The following MXD4 variants were observed in gnomAD, a reference collection of about 807,000 sequenced individuals.
MXD4 encodes the protein Mad4 homolog.
In MXD4, 16 loss-of-function variants were observed where a neutral mutation model predicts 24.5. The observed-to-expected ratio is 0.65, with a 90% CI of 0.44 to 0.99. The LOEUF is 0.99. MXD4 is among the 50% of genes least tolerant of loss of function. The pLI, the probability that MXD4 is intolerant of heterozygous loss-of-function variation, is 0.00. For synonymous variants in MXD4, 164 were observed against 134.2 expected (o/e 1.22, Z -1.54); for missense variants, 301 against 301.5 (o/e 1.00, Z 0.01).
chr4:2,259,138 C>A (rs192574993), intron 2 of MXD4: 136 of 342,182 alleles, frequency 4.0e-4, no homozygotes, highest in Middle Eastern at 1.1e-3. Flanking sequence ...CCCTCAGGAC[C>A]TGGCTCCTTC....
rs1471649563 is a variant in MXD4, at chr4:2,250,707, G to A, written c.473-6C>T. Reference sequence around the variant, plus strand: ...CATGCCCTCTATGTCCACTTCTAGGGAGAATAGAGTGGGGATGGGGTCAGG... The same window carrying A: ...CATGCCCTCTATGTCCACTTCTAGGAAGAATAGAGTGGGGATGGGGTCAGG... On this transcript the variant is annotated splice_region_variant and splice_polypyrimidine_tract_variant and intron_variant, in intron 5 of 5. Coordinates refer to ENST00000337190, the MANE Select transcript of MXD4 (RefSeq NM_006454.3). 2 of 1,612,562 alleles carry A rather than the reference G, an allele frequency of 1.2e-6. No homozygotes were observed. Among genetic ancestry groups the A allele is most frequent in the Admixed American group, 3.3e-5 (2 of 59,858 alleles).
At chr4:2,258,316 C>T (rs1011898524) in intron 2 of MXD4, among the ~76,000 whole-genome samples, 1 of 152,154 alleles carries the variant, frequency 6.6e-6, no homozygotes, top group African/African-American at 2.4e-5. Flanking sequence ...GCAGCAGGGG[C>T]CAGCCTTGCT....
intron 5 of MXD4, 92 bp downstream of exon 5, chr4:2,250,992 C>T (rs1735308825): frequency 7.1e-7 from 1 of 1,415,420 alleles, no homozygotes; most frequent in Non-Finnish European, 9.3e-7. Context: ...TTCTCCCCAG[C>T]CCCAGCACCA....
rs754756447 is a variant in MXD4, at chr4:2,250,632, T to C, written c.542A>G (p.Asp181Gly). 5.0e-6 allele frequency: 8 copies of C among 1,613,492 alleles called. No individual in the cohort carries two copies. Among genetic ancestry groups the C allele is most frequent in the Non-Finnish European group, 5.9e-6 (7 of 1,179,948 alleles). The change falls in exon 6 of 6, where the codon GAC becomes GGC. Residue 181 changes from aspartate (D) to glycine (G), a missense_variant. Coordinates refer to ENST00000337190, the MANE Select transcript of MXD4 (RefSeq NM_006454.3). ...LDSVGSSSDADDHYSLQSGTG... is the reference protein window; with the variant it reads ...LDSVGSSSDAGDHYSLQSGTG... ...GCCACTCTGCAGGCTGTAGTGGTCG[T>C]CCGCGTCACTGCTGCTGCCAACACT...
chr4:2,258,837 G>A (rs76474103), intron 2 of MXD4: 20,160 of 449,836 alleles, frequency 0.045, 614 homozygotes, highest in Non-Finnish European at 0.063. Flanking sequence ...CTGCCCTGGA[G>A]GCCCGGGCTC....
At chr4:2,251,009 T>TC in intron 5 of MXD4, 75 bp downstream of exon 5, 2 of 1,441,104 alleles carry the variant, frequency 1.4e-6, no homozygotes, top group East Asian at 5.0e-5. Context: ...ACCAGGCACC[T>TC]CCTCTCCACC....
At chr4:2,254,817 A>G (rs1409737418) in intron 3 of MXD4, 2 of 161,242 alleles carry the variant, frequency 1.2e-5, no homozygotes, top group African/African-American at 2.4e-5. Flanking sequence ...ACAGGCTGAC[A>G]TGAGAAGGGA....
At chr4:2,253,150 A>G (rs1055214995) in intron 3 of MXD4, 1 of 153,166 alleles carries the variant, frequency 6.5e-6, no homozygotes, top group Non-Finnish European at 1.5e-5. Flanking sequence ...GCTTGTTCAC[A>G]CTCAAGGGTA....
At chr4:2,256,641 C>G (rs1735436290) in intron 3 of MXD4, among the ~76,000 whole-genome samples, 1 of 152,174 alleles carries the variant, frequency 6.6e-6, no homozygotes, top group South Asian at 2.1e-4. Flanking sequence ...ACAGAGACAC[C>G]CTGGCTGCCC....
intron 3 of MXD4, chr4:2,253,982 C>G (rs894272774): frequency 2.6e-5 from 4 of 152,248 alleles, no homozygotes; most frequent in African/African-American, 9.7e-5. Flanking sequence ...AGGCAAGAGG[C>G]CAAAGCGTGC....
At chr4:2,251,711 C>T (rs1021943412) in intron 4 of MXD4, among the ~76,000 whole-genome samples, 20 of 152,266 alleles carry the variant, frequency 1.3e-4, no homozygotes, top group African/African-American at 4.8e-4. Context: ...TCTAAACCTT[C>T]CTGTGGGCCC....
Position 2,248,363 on chromosome 4 carries a change from G to A in MXD4, c.*2181C>T, listed in dbSNP as rs1735241326. ...TGGATTCTGCTGGTCAGAGATGAGA[G>A]CAGAAGCCCCTAGCTGCCTCAGGCA... On this transcript the variant is annotated 3_prime_UTR_variant, in exon 6 of 6. Coordinates refer to ENST00000337190, the MANE Select transcript of MXD4 (RefSeq NM_006454.3). The A allele has an allele frequency of 6.6e-6, 1 of 152,448 alleles. No homozygotes were observed. The highest frequency in any genetic ancestry group is 1.5e-5 in the Non-Finnish European group (1 of 68,130). 9.4% of individuals were successfully genotyped at this position (152,448 alleles called of 1,614,324 possible). A position where few individuals can be genotyped will look rare whatever the true frequency, so the allele number is the denominator to read the frequency against.
At chr4:2,252,811 G>GCCATCCC (rs1185551550) in intron 3 of MXD4, 7 of 354,008 alleles carry the variant, frequency 2.0e-5, no homozygotes, top group South Asian at 1.3e-4. Context: ...TCGCCCCCCT[G>GCCATCCC]CCATCCCCCA....
chr4:2,249,441 T>C lies in MXD4; in HGVS notation c.*1103A>G, dbSNP rs1735265404. Reference sequence around the variant, plus strand: ...GAGAGTCTTTAGGCTTTCTTCTTTTTAAAAATGGTTTTTTTTTTTTTTCTG... The same window carrying C: ...GAGAGTCTTTAGGCTTTCTTCTTTTCAAAAATGGTTTTTTTTTTTTTTCTG... On this transcript the variant is annotated 3_prime_UTR_variant, in exon 6 of 6. Transcript: ENST00000337190. 1.4e-5 allele frequency: 2 copies of C among 145,838 alleles called. No homozygotes were observed. Among genetic ancestry groups the C allele is most frequent in the African/African-American group, 5.3e-5 (2 of 38,092 alleles). The allele number at this position is 145,838 out of a possible 1,614,324, so 9.0% of individuals were successfully genotyped here.
Position 2,250,582 on chromosome 4 carries a change from G to T in MXD4, c.592C>A (p.Pro198Thr). Residue 198 changes from proline (P) to threonine (T), a missense_variant, in exon 6 of 6, where the codon CCC (proline) becomes ACC (threonine). Physicochemically the swap from Pro to Thr is conservative, Grantham distance 38. Transcript: ENST00000337190. ...SGTGGDSGFGPHCRRLGRPAL... is the reference protein window; with the variant it reads ...SGTGGDSGFGTHCRRLGRPAL... ...GGGCGGCCCAGCCGCCGGCAGTGGG[G>T]CCCGAAGCCACTGTCGCCGCCGGTG... is the stretch of plus-strand genomic sequence containing the variant. The T allele has an allele frequency of 2.5e-6, 4 of 1,608,106 alleles. No individual in the cohort carries two copies. The highest frequency in any genetic ancestry group is 3.4e-6 in the Non-Finnish European group (4 of 1,178,062).
At chr4:2,260,793 A>C (rs549652600) in intron 2 of MXD4, among the ~76,000 whole-genome samples, 2 of 152,346 alleles carry the variant, frequency 1.3e-5, no homozygotes, top group South Asian at 4.1e-4. Flanking sequence ...TGGGGCTCTG[A>C]AGCCCCCTAC....
intron 2 of MXD4, among the ~76,000 whole-genome samples, chr4:2,261,112 C>T (rs1174155248): frequency 3.3e-5 from 5 of 152,232 alleles, no homozygotes; most frequent in Non-Finnish European, 7.3e-5. Flanking sequence ...AAAAGAGGAC[C>T]CCCATACTGG....
rs571890414 is a variant in MXD4 at position 2,261,498 on chromosome 4, G to C, written c.164+227C>G. Among the ~76,000 whole-genome samples, 31 of 150,762 alleles carry C rather than the reference G, an allele frequency of 2.1e-4. No individual in the cohort carries two copies. The East Asian group carries it at 5.9e-3, about 29-fold the overall frequency. The stretch of plus-strand genomic sequence containing the variant: ...GCTGTACGCGTGGCACTGTTTACGC[G>C]AGCGGCCCGGGAGGCGCGGCCGCGG... On this transcript the variant is annotated intron_variant, in intron 2 of 5. Transcript: ENST00000337190.
At chr4:2,261,051 G>A (rs757513784) in intron 2 of MXD4, among the ~76,000 whole-genome samples, 3 of 152,204 alleles carry the variant, frequency 2.0e-5, no homozygotes, top group Non-Finnish European at 2.9e-5. Context: ...TGGGGCCCCT[G>A]CCCTGCAGCC....
Sources: allele counts gnomAD v4.1 joint callset (sites outside exome capture counted in the v4.1 genomes callset), GRCh38; gene constraint gnomAD v4.1.1; transcripts MANE v1.5; gene names NCBI Gene and HGNC (gene_info 2026-07-23, HGNC 2026-07-21).